Variants in CCSER1 observed in about 807,000 individuals in gnomAD.
The protein encoded by CCSER1 is serine-rich coiled-coil domain-containing protein 1.
In CCSER1, 41 loss-of-function variants were observed where a neutral mutation model predicts 82.0. The observed-to-expected ratio is 0.50, with a 90% CI of 0.39 to 0.65. The LOEUF (loss-of-function observed/expected upper bound fraction) is 0.65, where lower values mean the gene tolerates loss of function less well. Ranked by LOEUF, CCSER1 falls within the 30% of genes least tolerant of loss-of-function variation. The pLI is 0.00. For missense variants in CCSER1, 1,119 were observed against 1,064.2 expected, an observed-to-expected ratio of 1.05 and a Z score of -0.72; for synonymous variants, 414 against 383.9, an observed-to-expected ratio of 1.08 and a Z score of -0.92.
intron 6 of CCSER1, among the ~76,000 whole-genome samples, chr4:90,667,032 A>G (rs1731921965): frequency 6.6e-6 from 1 of 152,190 alleles, no homozygotes; most frequent in Admixed American, 6.5e-5. Flanking sequence ...AGTTGTTGAA[A>G]ACTGCATGGT....
intron 1 of CCSER1, among the ~76,000 whole-genome samples, chr4:90,160,483 TGA>T (rs1729233099): frequency 6.6e-6 from 1 of 152,060 alleles, no homozygotes; most frequent in Non-Finnish European, 1.5e-5. Flanking sequence ...GCAGTAGAGA[TGA>T]GAGTTTTCAA....
intron 5 of CCSER1, among the ~76,000 whole-genome samples, chr4:90,597,247 A>G (rs10433956): frequency 0.45 from 68,127 of 151,758 alleles, 19,396 homozygotes; most frequent in African/African-American, 0.81. Flanking sequence ...TGAATCAAAT[A>G]CTTATTCTGC....
At chr4:91,251,954 T>C (rs763172719) in intron 10 of CCSER1, among the ~76,000 whole-genome samples, 1 of 152,104 alleles carries the variant, frequency 6.6e-6, no homozygotes, top group Non-Finnish European at 1.5e-5. Context: ...ATTTCTCAAA[T>C]TTGATGAAGG....
At chr4:90,159,234 G>A (rs1019237132) in intron 1 of CCSER1, among the ~76,000 whole-genome samples, 1 of 151,896 alleles carries the variant, frequency 6.6e-6, no homozygotes, top group East Asian at 1.9e-4. Context: ...CTTGAGAAAT[G>A]GAGCCTCACT....
At chr4:90,767,700 G>A (rs950587335) in intron 7 of CCSER1, among the ~76,000 whole-genome samples, 15 of 151,834 alleles carry the variant, frequency 9.9e-5, no homozygotes, top group Non-Finnish European at 1.5e-4. Flanking sequence ...AAAGGGTCTC[G>A]TTCTCGCTCT....
chr4:90,755,677 A>G (rs1749404843), intron 7 of CCSER1, among the ~76,000 whole-genome samples: 1 of 152,174 alleles, frequency 6.6e-6, no homozygotes, highest in African/African-American at 2.4e-5. Context: ...TTATCAGTGG[A>G]TTTGAAAGAG....
chr4:90,335,740 A>G (rs1383527155), intron 3 of CCSER1, among the ~76,000 whole-genome samples: 3 of 152,208 alleles, frequency 2.0e-5, no homozygotes, highest in African/African-American at 4.8e-5. Flanking sequence ...GGATGTAGTC[A>G]TTAAAATTCT....
intron 1 of CCSER1, among the ~76,000 whole-genome samples, chr4:90,281,913 G>A (rs189198672): frequency 9.5e-4 from 144 of 152,112 alleles, no homozygotes; most frequent in Non-Finnish European, 1.6e-3. Context: ...GGGAATACCC[G>A]TGATTGACTT....
At chr4:90,716,281 T>A (rs1354701078) in intron 6 of CCSER1, among the ~76,000 whole-genome samples, 1 of 151,866 alleles carries the variant, frequency 6.6e-6, no homozygotes, top group African/African-American at 2.4e-5. Context: ...GTTATCCAAA[T>A]TAAAAATATG....
chr4:90,411,244 A>G (rs1462717863), intron 4 of CCSER1, among the ~76,000 whole-genome samples: 1 of 152,182 alleles, frequency 6.6e-6, no homozygotes, highest in Non-Finnish European at 1.5e-5. Context: ...AATCAATAGA[A>G]AAAGAGGGAA....
At chr4:90,376,336 A>G (rs1331173712) in intron 3 of CCSER1, among the ~76,000 whole-genome samples, 2 of 152,206 alleles carry the variant, frequency 1.3e-5, no homozygotes, top group African/African-American at 2.4e-5. Flanking sequence ...AATCAGTGAC[A>G]TAGCTTTGGC....
intron 9 of CCSER1, among the ~76,000 whole-genome samples, chr4:90,961,652 A>G (rs1021896284): frequency 6.6e-6 from 1 of 152,088 alleles, no homozygotes; most frequent in Non-Finnish European, 1.5e-5. Context: ...TAATGTTTAT[A>G]ATGATATTAT....
At chr4:90,704,439 A>C (rs985952832) in intron 6 of CCSER1, among the ~76,000 whole-genome samples, 1 of 152,066 alleles carries the variant, frequency 6.6e-6, no homozygotes, top group Non-Finnish European at 1.5e-5. Context: ...GGTGAATCTG[A>C]CAATTATGTG....
rs192222355 is a variant in CCSER1 at position 90,264,244 on chromosome 4, G to T, written c.-41-44000G>T. 2.9e-3 allele frequency among the ~76,000 whole-genome samples: 445 copies of T among 152,248 alleles called. 2 individuals carry two copies. The highest frequency in any genetic ancestry group is 5.5e-3 in the Non-Finnish European group (372 of 68,012). ...TTGTAAATGGCTTTGAGTGTTTTGA[G>T]CAGTTTTCTACCCTCACTTTCATAA... On this transcript the variant is annotated intron_variant, in intron 1 of 10. Transcript: ENST00000509176.
intron 10 of CCSER1, among the ~76,000 whole-genome samples, chr4:91,113,256 T>C (rs766188081): frequency 8.6e-4 from 131 of 152,166 alleles, no homozygotes; most frequent in Non-Finnish European, 1.7e-3. Flanking sequence ...TGACATTGTG[T>C]TGGGAGGCTC....
At chr4:91,431,002 G>A (rs575407085) in intron 10 of CCSER1, among the ~76,000 whole-genome samples, 2 of 152,112 alleles carry the variant, frequency 1.3e-5, no homozygotes, top group East Asian at 3.9e-4. Context: ...TTTGGGAGGC[G>A]GAGGTGGGCG....
intron 10 of CCSER1, among the ~76,000 whole-genome samples, chr4:91,291,463 G>A (rs373873263): frequency 1.3e-3 from 194 of 152,042 alleles, no homozygotes; most frequent in African/African-American, 4.4e-3. Flanking sequence ...TGTACAAACC[G>A]TACAGGAAGC....
intron 3 of CCSER1, among the ~76,000 whole-genome samples, chr4:90,369,824 A>G (rs1342566117): frequency 6.6e-6 from 1 of 152,042 alleles, no homozygotes; most frequent in Non-Finnish European, 1.5e-5. Context: ...AGATACTGGG[A>G]AGTGATAAAT....
chr4:90,897,329 T>G (rs1027135283), intron 8 of CCSER1, among the ~76,000 whole-genome samples: 1 of 151,952 alleles, frequency 6.6e-6, no homozygotes, highest in African/African-American at 2.4e-5. Flanking sequence ...ATTATTTCCA[T>G]CTTTATATCC....
Sources: gnomAD v4.1 joint callset for allele counts (sites outside exome capture counted in the v4.1 genomes callset) on GRCh38, gnomAD v4.1.1 for gene constraint, MANE v1.5 for transcripts, NCBI Gene and HGNC (gene_info 2026-07-23, HGNC 2026-07-21) for gene names.